Variants in DNAH6 observed in about 807,000 individuals in gnomAD.
The protein encoded by DNAH6 is axonemal beta dynein heavy chain 6.
In DNAH6, 340 loss-of-function variants were observed where a neutral mutation model predicts 491.4. The observed-to-expected ratio is 0.69, with a 90% CI of 0.63 to 0.76. The LOEUF is 0.76. Among genes scored for constraint, DNAH6 ranks in the 30% least tolerant of loss-of-function variants. DNAH6 has a pLI of 0.00. For missense variants in DNAH6, 4,443 were observed against 4,972.2 expected, an observed-to-expected ratio of 0.89 and a Z score of 3.20; for synonymous variants, 1,603 against 1,686.1, an observed-to-expected ratio of 0.95 and a Z score of 1.21.
Position 84,584,125 on chromosome 2 carries a change from G to A in DNAH6, c.2356G>A (p.Val786Ile), listed in dbSNP as rs764215055. 9 of 1,614,054 alleles carry A rather than the reference G, an allele frequency of 5.6e-6. 1 individual carries two copies. The highest frequency in any genetic ancestry group is 2.2e-5 in the South Asian group (2 of 91,082). The part of the protein sequence containing the change: ...FATMKPSIVA[V>I]RNAIDKSVGD... ...AACTATGAAGCCATCCATTGTTGCT[G>A]TTCGGAATGCCATTGATAAATCAGT... Residue 786 changes from valine to isoleucine, a missense_variant, in exon 15 of 77, where the codon GTT (valine) becomes ATT (isoleucine). By Grantham distance (29) the Val-to-Ile change is conservative. This residue lies in a region of DNAH6 where 2,977 missense variants were observed against 3,296.6 expected (regional missense o/e 0.90). Transcript: ENST00000389394.
intron 10 of DNAH6, among the ~76,000 whole-genome samples, chr2:84,554,462 G>A (rs1679827970): frequency 1.3e-5 from 2 of 152,116 alleles, no homozygotes; most frequent in Admixed American, 1.3e-4. Context: ...GTCAATGTCT[G>A]TATCTTCTGT....
At chr2:84,596,310 G>C (rs1323213709) in intron 18 of DNAH6, among the ~76,000 whole-genome samples, 2 of 150,876 alleles carry the variant, frequency 1.3e-5, no homozygotes, top group African/African-American at 2.5e-5. Context: ...AACAGTTTTA[G>C]GGTGTTTTTT....
At chr2:84,809,602 A>G (rs1679766475) in intron 72 of DNAH6, among the ~76,000 whole-genome samples, 1 of 152,166 alleles carries the variant, frequency 6.6e-6, no homozygotes, top group Non-Finnish European at 1.5e-5. Context: ...CTGCTATGAT[A>G]AAGACCCCCA....
chr2:84,762,262 A>G (rs1171551638), intron 63 of DNAH6, among the ~76,000 whole-genome samples: 1 of 152,232 alleles, frequency 6.6e-6, no homozygotes, highest in Non-Finnish European at 1.5e-5. Flanking sequence ...TTGGCTTGTG[A>G]GTGCTTACAA....
chr2:84,801,444 G>T (rs1391649446), intron 70 of DNAH6, among the ~76,000 whole-genome samples: 3 of 151,934 alleles, frequency 2.0e-5, no homozygotes, highest in Admixed American at 2.0e-4. Context: ...ACTTTCCAAG[G>T]TCAAATCAAA....
chr2:84,661,406 G>T (rs1691497888), intron 37 of DNAH6, among the ~76,000 whole-genome samples: 1 of 151,954 alleles, frequency 6.6e-6, no homozygotes, highest in Admixed American at 6.6e-5. Flanking sequence ...GTCATTATTT[G>T]CAGAAAAAAA....
At chr2:84,705,876 T>C in intron 52 of DNAH6, 129 bp downstream of exon 52, 1 of 1,172,706 alleles carries the variant, frequency 8.5e-7, no homozygotes, top group Non-Finnish European at 1.1e-6. Context: ...GAAATTAGCT[T>C]TTGTTTTAAA....
At chr2:84,610,047 G>A (rs1054696980) in intron 21 of DNAH6, among the ~76,000 whole-genome samples, 10 of 152,128 alleles carry the variant, frequency 6.6e-5, no homozygotes, top group Non-Finnish European at 1.3e-4. Flanking sequence ...CAAGATGTCA[G>A]CCAGACTGGG....
Position 84,653,534 on chromosome 2 carries a change from T to C in DNAH6, c.5294T>C (p.Ile1765Thr), listed in dbSNP as rs1690660817. 1.3e-6 allele frequency: 2 copies of C among 1,551,194 alleles called. No individual in the cohort carries two copies. Among genetic ancestry groups the C allele is most frequent in the Non-Finnish European group, 1.7e-6 (2 of 1,146,752 alleles). ...TGGGKTTVYR[I>T]LAETLGNLQK... ...GGCGGCAAGACCACAGTTTACCGAATACTAGCAGAAACTTTAGGGAATTTA... is the reference window on the plus strand; with the variant it reads ...GGCGGCAAGACCACAGTTTACCGAACACTAGCAGAAACTTTAGGGAATTTA... Residue 1765 changes from isoleucine (I) to threonine (T), a missense_variant, in exon 34 of 77, where the codon ATA (isoleucine) becomes ACA (threonine). Transcript: ENST00000389394.
At chr2:84,768,625 A>G (rs2105163852) in intron 64 of DNAH6, among the ~76,000 whole-genome samples, 1 of 152,304 alleles carries the variant, frequency 6.6e-6, no homozygotes, top group South Asian at 2.1e-4. Flanking sequence ...AAATATAATA[A>G]AAGATATGCA....
Position 84,659,112 on chromosome 2 carries a change from C to T in DNAH6, c.6027C>T (p.Tyr2009=). 2 of 1,517,870 alleles carry T rather than the reference C, an allele frequency of 1.3e-6. No homozygotes were observed. The highest frequency in any genetic ancestry group is 1.8e-6 in the Non-Finnish European group (2 of 1,121,530). 94.0% of individuals were successfully genotyped at this position (1,517,870 alleles called of 1,614,324 possible). A position where few individuals can be genotyped will look rare whatever the true frequency, so the allele number is the denominator to read the frequency against. The change falls in exon 37 of 77, where the codon TAC becomes TAT. Residue 2009 remains tyrosine (Y), a synonymous_variant. Coordinates refer to ENST00000389394, the MANE Select transcript of DNAH6 (RefSeq NM_001370.2). ...TGGGTGGAAACCTAACTGAAAACTA[C>T]TATGATTCTTTTGATACATTTATTA... ...WSLGGNLTEN[Y]YDSFDTFIRT... is the part of the protein sequence containing the mutation.
Position 84,611,857 on chromosome 2 carries a change from A to G in DNAH6, c.3475+3A>G. 4.5e-6 allele frequency: 7 copies of G among 1,548,814 alleles called. No homozygotes were observed. The highest frequency in any genetic ancestry group is 5.2e-6 in the Non-Finnish European group (6 of 1,145,514). Reference sequence around the variant, plus strand: ...TCTTCGAGCCGCTACTCAGCCAGGTATGAAACAAAATTCCAAACAAGCAAA... The same window carrying G: ...TCTTCGAGCCGCTACTCAGCCAGGTGTGAAACAAAATTCCAAACAAGCAAA... On this transcript the variant is annotated splice_donor_region_variant and intron_variant, in intron 22 of 76. Transcript: ENST00000389394.
intron 64 of DNAH6, among the ~76,000 whole-genome samples, chr2:84,763,523 A>T (rs1674786323): frequency 1.3e-5 from 2 of 152,104 alleles, no homozygotes. Flanking sequence ...AAAGTATGCA[A>T]GACCACACAA....
chr2:84,527,607 A>C (rs540252633), intron 3 of DNAH6, among the ~76,000 whole-genome samples: 1 of 152,336 alleles, frequency 6.6e-6, no homozygotes, highest in East Asian at 1.9e-4. Context: ...TCTCTGGTTC[A>C]GGTTTGGCCT....
chr2:84,685,247 G>A (rs1694156914), intron 42 of DNAH6, 79 bp from the exon 43 acceptor site: 1 of 1,072,972 alleles, frequency 9.3e-7, no homozygotes. Flanking sequence ...TGTACTTAAG[G>A]GTTTCCTAAT....
chr2:84,808,131 A>ATATGTGTGTGTGTGTG (rs369348036), intron 71 of DNAH6, among the ~76,000 whole-genome samples: 3 of 141,152 alleles, frequency 2.1e-5, no homozygotes, highest in African/African-American at 8.5e-5. Context: ...GTGTATATAT[A>ATATGTGTGTGTGTGTG]TGTGTGTGTG....
chr2:84,730,280 T>C (rs1699015186), intron 61 of DNAH6, among the ~76,000 whole-genome samples: 1 of 152,076 alleles, frequency 6.6e-6, no homozygotes, highest in Non-Finnish European at 1.5e-5. Context: ...CAGTTAGAGT[T>C]TAGGGACAAA....
At chr2:84,573,715 C>A in intron 12 of DNAH6, 128 bp downstream of exon 12, 1 of 702,236 alleles carries the variant, frequency 1.4e-6, no homozygotes, top group Non-Finnish European at 2.3e-6. Context: ...TGACATAAGG[C>A]AAGAGTTAAT....
At chr2:84,785,901 A>G (rs1677128574) in intron 67 of DNAH6, 145 bp downstream of exon 67, 4 of 777,818 alleles carry the variant, frequency 5.1e-6, no homozygotes, top group Non-Finnish European at 7.7e-6. Context: ...TTTTCATTCA[A>G]TCTCTATACT....
Sources: gnomAD v4.1 joint callset for allele counts (sites outside exome capture counted in the v4.1 genomes callset) on GRCh38, gnomAD v4.1.1 for gene constraint, gnomAD v4.1.1 regional missense constraint, MANE v1.5 for transcripts, NCBI Gene and HGNC (gene_info 2026-07-23, HGNC 2026-07-21) for gene names.